Variants in KIRREL3 observed in about 807,000 individuals in gnomAD.
The protein encoded by KIRREL3 is kin of IRRE-like protein 3.
Under a neutral mutation model 89.7 loss-of-function variants are expected in KIRREL3, and 36 were observed. The ratio of observed to expected loss-of-function variants is 0.40; its 90% CI spans 0.31 to 0.53. KIRREL3 has a LOEUF of 0.53. Ranked by LOEUF, KIRREL3 falls within the 20% of genes least tolerant of loss-of-function variation. The pLI, the probability that KIRREL3 is intolerant of heterozygous loss-of-function variation, is 0.49. For missense variants in KIRREL3, 864 were observed against 1,056.6 expected, an observed-to-expected ratio of 0.82 and a Z score of 2.53; for synonymous variants, 445 against 441.4, an observed-to-expected ratio of 1.01 and a Z score of -0.10.
rs951136031 is a variant in KIRREL3 at position 126,993,795 on chromosome 11, G to C, written c.55+6660C>G. Among the ~76,000 whole-genome samples, 5 of 152,210 alleles carry C rather than the reference G, an allele frequency of 3.3e-5. No homozygotes were observed. Among genetic ancestry groups the C allele is most frequent in the African/African-American group, 9.6e-5 (4 of 41,456 alleles). On this transcript the variant is annotated intron_variant, in intron 1 of 16. Coordinates refer to ENST00000525144, the MANE Select transcript of KIRREL3 (RefSeq NM_032531.4). This position sits in a 1 kb window ranked among gnomAD's most constrained non-coding sequence, Gnocchi z 6.1. ...CCACTGAGACACTAGACTATGTGGA[G>C]CCCCTGGGGGAAAATGTGGAATAGT...
chr11:126,925,453 T>C (rs1323705238), intron 1 of KIRREL3, among the ~76,000 whole-genome samples: 4 of 152,192 alleles, frequency 2.6e-5, no homozygotes, highest in Admixed American at 6.5e-5. Context: ...AGAGGCTGCC[T>C]GAGGCCAGCT....
rs569236644 is a variant in KIRREL3, at chr11:126,528,239, C to T, written c.134-1552G>A. On this transcript the variant is annotated intron_variant, in intron 2 of 16. Transcript: ENST00000525144. This position sits in a 1 kb window ranked among gnomAD's most constrained non-coding sequence, Gnocchi z 4.6. ...ATGCTGTGGCCTCTCCTCCCCAACC[C>T]GGGAGAGTCAGGGGCAGCCACAGAC... 2.6e-5 allele frequency among the ~76,000 whole-genome samples: 4 copies of T among 152,338 alleles called. No individual in the cohort carries two copies. The highest frequency in any genetic ancestry group is 2.1e-4 in the South Asian group (1 of 4,832).
In KIRREL3 at chr11:126,750,199, C is replaced by T. The variant is rs1949288679; in HGVS notation, c.56-187287G>A. 6.6e-6 allele frequency among the ~76,000 whole-genome samples: 1 copy of T among 152,222 alleles called. No homozygotes were observed. The highest frequency in any genetic ancestry group is 2.1e-4 in the South Asian group (1 of 4,834). On this transcript the variant is annotated intron_variant, in intron 1 of 16. Coordinates refer to ENST00000525144, the MANE Select transcript of KIRREL3 (RefSeq NM_032531.4). The surrounding 1 kb of genome is among the most constrained non-coding windows in gnomAD (Gnocchi z 4.2). ...AGCAGTGAAGCCACCTGCCCAAAGC[C>T]ACTTTGTCAAACCTGGGGCCAGAAC...
At position 126,768,052 on chromosome 11, in the gene KIRREL3, T is replaced by G. The variant is rs1949886649; in HGVS notation, c.56-205140A>C. ...TGAAATGTCTCTCCATCCTCAAAAT[T>G]TTATGATTCCTCTTATCAGCCATTT... On this transcript the variant is annotated intron_variant, in intron 1 of 16. Coordinates refer to ENST00000525144, the MANE Select transcript of KIRREL3 (RefSeq NM_032531.4). This position sits in a 1 kb window ranked among gnomAD's most constrained non-coding sequence, Gnocchi z 4.5. 6.6e-6 allele frequency among the ~76,000 whole-genome samples: 1 copy of G among 152,222 alleles called. No homozygotes were observed. Among genetic ancestry groups the G allele is most frequent in the African/African-American group, 2.4e-5 (1 of 41,456 alleles).
rs932267751 is a variant in KIRREL3 at position 126,904,545 on chromosome 11, ACTT to A, written c.55+95907_55+95909del. Among the ~76,000 whole-genome samples, 1 of 152,218 alleles carries A rather than the reference ACTT, an allele frequency of 6.6e-6. No individual in the cohort carries two copies. The highest frequency in any genetic ancestry group is 2.4e-5 in the African/African-American group (1 of 41,456). ...CATTTCCTTAAAACTTCTTAGCCAC[ACTT>A]CTTAGCTCAGCTGCTGATGGCTTCC... On this transcript the variant is annotated intron_variant, in intron 1 of 16. Coordinates refer to ENST00000525144, the MANE Select transcript of KIRREL3 (RefSeq NM_032531.4). The surrounding 1 kb of genome is among the most constrained non-coding windows in gnomAD (Gnocchi z 4.4).
At chr11:126,457,242 T>C (rs73031023) in intron 6 of KIRREL3, among the ~76,000 whole-genome samples, 807 of 131,222 alleles carry the variant, frequency 6.1e-3, no homozygotes, top group South Asian at 8.9e-3. Flanking sequence ...TGTGTATATG[T>C]ATGTGTGTGT....
At position 126,561,231 on chromosome 11, in the gene KIRREL3, C is replaced by T. The variant is rs1382508417; in HGVS notation, c.133+1604G>A. On this transcript the variant is annotated intron_variant, in intron 2 of 16. Transcript: ENST00000525144. This position sits in a 1 kb window ranked among gnomAD's most constrained non-coding sequence, Gnocchi z 4.5. ...GACCCACCTGTGTCTCTCCTCTGCC[C>T]CACTGCCTCACCCTCCTCTTACCCT... Among the ~76,000 whole-genome samples the T allele has an allele frequency of 6.6e-6, 1 of 152,176 alleles. No homozygotes were observed. Among genetic ancestry groups the T allele is most frequent in the Admixed American group, 6.5e-5 (1 of 15,286 alleles).
At chr11:126,964,771 C>A (rs1949213479) in intron 1 of KIRREL3, among the ~76,000 whole-genome samples, 1 of 152,108 alleles carries the variant, frequency 6.6e-6, no homozygotes, top group Non-Finnish European at 1.5e-5. Context: ...GATTTATTGA[C>A]CCAAGAGGTA....
At position 126,655,564 on chromosome 11, in the gene KIRREL3, T is replaced by C. The variant is rs556949513; in HGVS notation, c.56-92652A>G. 4.6e-5 allele frequency among the ~76,000 whole-genome samples: 7 copies of C among 152,302 alleles called. No individual in the cohort carries two copies. Among genetic ancestry groups the C allele is most frequent in the African/African-American group, 1.7e-4 (7 of 41,548 alleles). Reference sequence around the variant, plus strand: ...CTTCCTGCCCAGGGAAGGCAGCTACTGTGTGTCCCCCTGGGGACTGGAACC... The same window carrying C: ...CTTCCTGCCCAGGGAAGGCAGCTACCGTGTGTCCCCCTGGGGACTGGAACC... On this transcript the variant is annotated intron_variant, in intron 1 of 16. Coordinates refer to ENST00000525144, the MANE Select transcript of KIRREL3 (RefSeq NM_032531.4). This position sits in a 1 kb window ranked among gnomAD's most constrained non-coding sequence, Gnocchi z 5.0.
chr11:126,784,250 T>G (rs71475980), intron 1 of KIRREL3, among the ~76,000 whole-genome samples: 4,802 of 152,354 alleles, frequency 0.032, 128 homozygotes, highest in Non-Finnish European at 0.048. Context: ...GTATCCATAC[T>G]GGTTCATTAA....
At position 126,455,050 on chromosome 11, in the gene KIRREL3, T is replaced by C. The variant is rs532976772; in HGVS notation, c.848+1299A>G. Among the ~76,000 whole-genome samples the C allele has an allele frequency of 6.6e-6, 1 of 152,326 alleles. No homozygotes were observed. The highest frequency in any genetic ancestry group is 2.4e-5 in the African/African-American group (1 of 41,574). On this transcript the variant is annotated intron_variant, in intron 7 of 16. Coordinates refer to ENST00000525144, the MANE Select transcript of KIRREL3 (RefSeq NM_032531.4). This position sits in a 1 kb window ranked among gnomAD's most constrained non-coding sequence, Gnocchi z 6.4. Reference sequence around the variant, plus strand: ...CTGCCCACGGGGGCCACACTGGCTCTTGTCTTCCCTGTTCTCCATTCCCAC... The same window carrying C: ...CTGCCCACGGGGGCCACACTGGCTCCTGTCTTCCCTGTTCTCCATTCCCAC...
At chr11:126,838,599 G>A (rs1243635900) in intron 1 of KIRREL3, among the ~76,000 whole-genome samples, 1 of 152,162 alleles carries the variant, frequency 6.6e-6, no homozygotes, top group Non-Finnish European at 1.5e-5. Flanking sequence ...AAAACCCTGA[G>A]TCCATATTCA....
In KIRREL3 at chr11:126,636,303, A is replaced by G. The variant is rs1475883755; in HGVS notation, c.56-73391T>C. Among the ~76,000 whole-genome samples, 1 of 152,104 alleles carries G rather than the reference A, an allele frequency of 6.6e-6. No individual in the cohort carries two copies. The highest frequency in any genetic ancestry group is 6.5e-5 in the Admixed American group (1 of 15,276). ...AGCTAGTTGTGTTTGCTTGCTACGG[A>G]GGAAATACCCATTTCAAAGAATTGG... On this transcript the variant is annotated intron_variant, in intron 1 of 16. Coordinates refer to ENST00000525144, the MANE Select transcript of KIRREL3 (RefSeq NM_032531.4). This position sits in a 1 kb window ranked among gnomAD's most constrained non-coding sequence, Gnocchi z 4.4.
At chr11:126,552,550 GTTTTTTTTTTT>G (rs59392843) in intron 2 of KIRREL3, among the ~76,000 whole-genome samples, 44 of 81,768 alleles carry the variant, frequency 5.4e-4, no homozygotes, top group South Asian at 1.2e-3. Context: ...AGAGAGAAAA[GTTTTTTTTTTT>G]TTTTTTTTTT....
chr11:126,910,623 C>T (rs557023060), intron 1 of KIRREL3, among the ~76,000 whole-genome samples: 4 of 152,308 alleles, frequency 2.6e-5, no homozygotes, highest in African/African-American at 4.8e-5. Flanking sequence ...ATAGTGTATA[C>T]GCATCATATG....
At chr11:126,547,337 C>T (rs1220649797) in intron 2 of KIRREL3, among the ~76,000 whole-genome samples, 2 of 152,218 alleles carry the variant, frequency 1.3e-5, no homozygotes, top group Non-Finnish European at 2.9e-5. Context: ...AGAAGTTCTG[C>T]AGGAAAGACT....
At chr11:126,567,600 G>T (rs1358742544) in intron 1 of KIRREL3, among the ~76,000 whole-genome samples, 3 of 152,236 alleles carry the variant, frequency 2.0e-5, no homozygotes, top group Admixed American at 1.3e-4. Flanking sequence ...AAAGCTGCCT[G>T]CAGGGAGCAG....
intron 1 of KIRREL3, among the ~76,000 whole-genome samples, chr11:126,827,431 C>A (rs923368134): frequency 6.6e-5 from 10 of 152,166 alleles, no homozygotes; most frequent in African/African-American, 2.4e-4. Context: ...CCACCTCAGC[C>A]TCCCAAAGAA....
At position 126,433,263 on chromosome 11, in the gene KIRREL3, C is replaced by T. The variant is rs186846951; in HGVS notation, c.1589-1737G>A. Among the ~76,000 whole-genome samples, 325 of 152,294 alleles carry T rather than the reference C, an allele frequency of 2.1e-3. 2 individuals carry two copies. Among genetic ancestry groups the T allele is most frequent in the Non-Finnish European group, 3.9e-3 (265 of 68,022 alleles). ...CCTACCCTGCGTTCGTCAGTGTGGGCGAGTGGGGACAGCTAGGTATCAGTT... is the reference window on the plus strand; with the variant it reads ...CCTACCCTGCGTTCGTCAGTGTGGGTGAGTGGGGACAGCTAGGTATCAGTT... On this transcript the variant is annotated intron_variant, in intron 13 of 16. Transcript: ENST00000525144.
Sources: gnomAD v4.1 joint callset for allele counts (sites outside exome capture counted in the v4.1 genomes callset) on GRCh38, gnomAD v4.1.1 for gene constraint, Gnocchi (gnomAD v3.1) non-coding constraint, MANE v1.5 for transcripts, NCBI Gene and HGNC (gene_info 2026-07-23, HGNC 2026-07-21) for gene names.